CAMKMT: variants seen among roughly 807,000 people sequenced by gnomAD.
The protein encoded by CAMKMT is calmodulin-lysine N-methyltransferase.
In CAMKMT, 53 loss-of-function variants were observed where a neutral mutation model predicts 48.0. The ratio of observed to expected loss-of-function variants is 1.10; its 90% CI spans 0.89 to 1.39. CAMKMT has a LOEUF of 1.39. Among genes scored for constraint, CAMKMT ranks in the 40% most tolerant of loss-of-function variants. CAMKMT has a pLI of 0.00. For missense variants in CAMKMT, 428 were observed against 402.7 expected, an observed-to-expected ratio of 1.06 and a Z score of -0.54; for synonymous variants, 165 against 152.3, an observed-to-expected ratio of 1.08 and a Z score of -0.61.
intron 1 of CAMKMT, 151 bp from the exon 2 acceptor site, chr2:44,372,565 A>T: frequency 1.7e-6 from 1 of 575,124 alleles, no homozygotes; most frequent in Non-Finnish European, 3.0e-6. Flanking sequence ...CATCTTTTAT[A>T]GTTATCTTCA....
At chr2:44,575,568 T>G (rs1393085811) in intron 3 of CAMKMT, among the ~76,000 whole-genome samples, 2 of 152,184 alleles carry the variant, frequency 1.3e-5, no homozygotes, top group African/African-American at 4.8e-5. Flanking sequence ...CATTCATTTA[T>G]TTTCCCAGAA....
At chr2:44,659,823 C>G (rs1352466741) in intron 3 of CAMKMT, among the ~76,000 whole-genome samples, 1 of 151,996 alleles carries the variant, frequency 6.6e-6, no homozygotes, top group Non-Finnish European at 1.5e-5. Context: ...TCAGCATAAA[C>G]TATTTATTTC....
intron 3 of CAMKMT, among the ~76,000 whole-genome samples, chr2:44,602,305 C>T (rs1469755995): frequency 1.3e-5 from 2 of 151,952 alleles, no homozygotes; most frequent in African/African-American, 2.4e-5. Context: ...AATTTATTAG[C>T]CAATTTTGAT....
At chr2:44,509,522 G>T (rs1670432440) in intron 3 of CAMKMT, among the ~76,000 whole-genome samples, 1 of 152,070 alleles carries the variant, frequency 6.6e-6, no homozygotes, top group Non-Finnish European at 1.5e-5. Context: ...TGTTGCCCAG[G>T]CTGGTCTTGA....
At chr2:44,453,954 G>A (rs1460442353) in intron 3 of CAMKMT, among the ~76,000 whole-genome samples, 3 of 151,958 alleles carry the variant, frequency 2.0e-5, no homozygotes, top group Non-Finnish European at 4.4e-5. Context: ...AAAGCTTGAG[G>A]CAGTGTTGTC....
intron 3 of CAMKMT, among the ~76,000 whole-genome samples, chr2:44,629,930 A>G (rs1672719418): frequency 6.6e-6 from 1 of 152,056 alleles, no homozygotes; most frequent in Non-Finnish European, 1.5e-5. Context: ...AAGAGCCCAC[A>G]TTGCCAAGTC....
At chr2:44,369,260 T>G (rs918823923) in intron 1 of CAMKMT, among the ~76,000 whole-genome samples, 9 of 152,134 alleles carry the variant, frequency 5.9e-5, no homozygotes, top group African/African-American at 2.2e-4. Flanking sequence ...CCTTTTCCGA[T>G]CCTCCATTTA....
intron 3 of CAMKMT, among the ~76,000 whole-genome samples, chr2:44,518,062 A>C (rs1247366458): frequency 2.6e-5 from 4 of 151,884 alleles, no homozygotes; most frequent in Non-Finnish European, 5.9e-5. Context: ...GGGGGCGGGG[A>C]TAGTGTGGGG....
At chr2:44,650,906 A>G (rs1674022178) in intron 3 of CAMKMT, among the ~76,000 whole-genome samples, 1 of 152,214 alleles carries the variant, frequency 6.6e-6, no homozygotes, top group Non-Finnish European at 1.5e-5. Flanking sequence ...CGAATAATTC[A>G]GACAATAGAC....
chr2:44,662,752 T>A (rs1674747990), intron 3 of CAMKMT, among the ~76,000 whole-genome samples: 1 of 152,046 alleles, frequency 6.6e-6, no homozygotes, highest in Non-Finnish European at 1.5e-5. Context: ...TTTGTAGAGA[T>A]GGGATTTTGC....
At chr2:44,567,788 A>G (rs1668695705) in intron 3 of CAMKMT, among the ~76,000 whole-genome samples, 1 of 152,194 alleles carries the variant, frequency 6.6e-6, no homozygotes, top group African/African-American at 2.4e-5. Flanking sequence ...CAAACTAGAC[A>G]TTAACAATGT....
At chr2:44,570,682 A>G (rs1381494183) in intron 3 of CAMKMT, among the ~76,000 whole-genome samples, 1 of 152,288 alleles carries the variant, frequency 6.6e-6, no homozygotes, top group East Asian at 1.9e-4. Flanking sequence ...AAAATTGCCT[A>G]ATTTTTAGAC....
At chr2:44,742,870 T>G (rs1434839084) in intron 7 of CAMKMT, among the ~76,000 whole-genome samples, 1 of 152,196 alleles carries the variant, frequency 6.6e-6, no homozygotes, top group Non-Finnish European at 1.5e-5. Context: ...AATTTTACTT[T>G]GAAAAATAGT....
At chr2:44,441,215 C>T (rs930652968) in intron 3 of CAMKMT, among the ~76,000 whole-genome samples, 1 of 152,028 alleles carries the variant, frequency 6.6e-6, no homozygotes, top group African/African-American at 2.4e-5. Flanking sequence ...ACTTGAAGTT[C>T]GTGCCTTTTC....
intron 3 of CAMKMT, among the ~76,000 whole-genome samples, chr2:44,628,899 T>A (rs1285974176): frequency 2.6e-5 from 4 of 152,192 alleles, no homozygotes; most frequent in African/African-American, 7.2e-5. Context: ...ATAATTTCAA[T>A]CTTTAAGTTA....
chr2:44,741,910 T>C (rs1462735028), intron 7 of CAMKMT, among the ~76,000 whole-genome samples: 2 of 152,222 alleles, frequency 1.3e-5, no homozygotes, highest in African/African-American at 2.4e-5. Context: ...GCATATGTAT[T>C]AAAAGCAAAT....
rs571981825 is a variant in CAMKMT, at chr2:44,549,533, A to T, written c.377-154750A>T. Reference sequence around the variant, plus strand: ...TGCACCAACCTAAAATGTATATATAATTTTTTTTCTTTTTTTCTTAGACAC... The same window carrying T: ...TGCACCAACCTAAAATGTATATATATTTTTTTTTCTTTTTTTCTTAGACAC... On this transcript the variant is annotated intron_variant, in intron 3 of 10. Coordinates refer to ENST00000378494, the MANE Select transcript of CAMKMT (RefSeq NM_024766.5). 652 of 693,388 alleles carry T rather than the reference A, an allele frequency of 9.4e-4. 8 individuals carry two copies. In the East Asian group the frequency reaches 0.016, roughly 17 times the overall value. The allele number at this position is 693,388 out of a possible 1,614,324, so 43.0% of individuals were successfully genotyped here. A position where few individuals can be genotyped will look rare whatever the true frequency, so the allele number is the denominator to read the frequency against.
chr2:44,610,794 A>G (rs895454340), intron 3 of CAMKMT, among the ~76,000 whole-genome samples: 4 of 152,206 alleles, frequency 2.6e-5, no homozygotes, highest in African/African-American at 9.6e-5. Context: ...TACATACAGA[A>G]TATTGTACAT....
intron 6 of CAMKMT, among the ~76,000 whole-genome samples, chr2:44,714,031 G>A (rs1678028881): frequency 6.6e-6 from 1 of 152,108 alleles, no homozygotes; most frequent in African/African-American, 2.4e-5. Context: ...GGGATTTTGA[G>A]GCTTCTTACC....
Sources: gnomAD v4.1 joint callset for allele counts (sites outside exome capture counted in the v4.1 genomes callset) on GRCh38, gnomAD v4.1.1 for gene constraint, MANE v1.5 for transcripts, NCBI Gene and HGNC (gene_info 2026-07-23, HGNC 2026-07-21) for gene names.